PAX9: variants seen among roughly 807,000 people sequenced by gnomAD.
PAX9 encodes paired box protein Pax-9.
A neutral mutation model predicts 29.1 loss-of-function variants in PAX9; 6 were observed. That is an observed-to-expected ratio of 0.21 (90% CI 0.11 to 0.41). PAX9 has a LOEUF of 0.41. PAX9 is among the 10% of genes least tolerant of loss of function. The pLI, the probability that PAX9 is intolerant of heterozygous loss-of-function variation, is 1.00. For missense variants in PAX9, 443 were observed against 479.1 expected, an observed-to-expected ratio of 0.92 and a Z score of 0.70; for synonymous variants, 217 against 211.7, an observed-to-expected ratio of 1.03 and a Z score of -0.22.
rs1055255967 is a variant in PAX9 at position 36,666,556 on chromosome 14, C to T, written c.726C>T (p.Asn242=). ...NFPAAAPHAV[N]GLEKGALEQE... ...CCGCCGCCGCCCCGCACGCGGTGAA[C>T]GGGTTGGAGAAGGGAGCCCTGGAGC... The change falls in exon 3 of 4, where the codon AAC becomes AAT. Residue 242 remains asparagine, a synonymous_variant. Coordinates refer to ENST00000361487, the MANE Select transcript of PAX9 (RefSeq NM_001372076.1). 2 of 1,581,122 alleles carry T rather than the reference C, an allele frequency of 1.3e-6. No individual in the cohort carries two copies. The highest frequency in any genetic ancestry group is 1.8e-5 in the Admixed American group (1 of 55,322).
Position 36,679,172 on chromosome 14 carries a change from C to CTTA in PAX9, c.*2723_*2725dup. 2.0e-6 allele frequency: 2 copies of CTTA among 985,184 alleles called. No homozygotes were observed. Among genetic ancestry groups the CTTA allele is most frequent in the South Asian group, 4.7e-5 (1 of 21,274 alleles). 61.0% of individuals were successfully genotyped at this position (985,184 alleles called of 1,614,324 possible). A position where few individuals can be genotyped will look rare whatever the true frequency, so the allele number is the denominator to read the frequency against. On this transcript the variant is annotated 3_prime_UTR_variant, in exon 4 of 4. Coordinates refer to ENST00000361487, the MANE Select transcript of PAX9 (RefSeq NM_001372076.1). Reference sequence around the variant, plus strand: ...TGCAGTTGTGCAACAGAGACACATTCTTATTTCTTTTTTTTCACAATTTTG... The same window carrying CTTA: ...TGCAGTTGTGCAACAGAGACACATTCTTATTATTTCTTTTTTTTCACAATTTTG...
intron 3 of PAX9, among the ~76,000 whole-genome samples, chr14:36,675,057 C>T (rs1307476741): frequency 6.6e-6 from 1 of 152,220 alleles, no homozygotes; most frequent in Non-Finnish European, 1.5e-5. Flanking sequence ...AGCTAACATA[C>T]ATCTGATTAA....
chr14:36,659,040 G>C (rs892325473), upstream of PAX9, among the ~76,000 whole-genome samples: 1 of 152,226 alleles, frequency 6.6e-6, no homozygotes, highest in Non-Finnish European at 1.5e-5. Flanking sequence ...TCCAGAGAGC[G>C]AGTCGCCCCT....
At position 36,679,243 on chromosome 14, in the gene PAX9, A is replaced by G; in HGVS notation, c.*2791A>G. On this transcript the variant is annotated 3_prime_UTR_variant, in exon 4 of 4. Transcript: ENST00000361487. Reference sequence around the variant, plus strand: ...TTATTGAATATTGGACTGAAATATAAATTTTAAAAAACACGTTGGAAAGGA... The same window carrying G: ...TTATTGAATATTGGACTGAAATATAGATTTTAAAAAACACGTTGGAAAGGA... 1 of 984,314 alleles carries G rather than the reference A, an allele frequency of 1.0e-6. No individual in the cohort carries two copies. The highest frequency in any genetic ancestry group is 1.2e-6 in the Non-Finnish European group (1 of 828,918). 61.0% of individuals were successfully genotyped at this position (984,314 alleles called of 1,614,324 possible). A position where few individuals can be genotyped will look rare whatever the true frequency, so the allele number is the denominator to read the frequency against.
intron 3 of PAX9, among the ~76,000 whole-genome samples, chr14:36,670,262 T>C (rs1049140503): frequency 6.6e-6 from 1 of 152,036 alleles, no homozygotes; most frequent in Non-Finnish European, 1.5e-5. Flanking sequence ...TTGCAGATAT[T>C]AATTTGGCAA....
chr14:36,678,169 G>A lies in PAX9; in HGVS notation c.*1717G>A, dbSNP rs187201763. ...CTGTGCACAGTCTACATGGCAATGC[G>A]GTTCCACCACATCGGTTTCGTGGCT... On this transcript the variant is annotated 3_prime_UTR_variant, in exon 4 of 4. Coordinates refer to ENST00000361487, the MANE Select transcript of PAX9 (RefSeq NM_001372076.1). The A allele has an allele frequency of 9.7e-6, 4 of 411,850 alleles. No individual in the cohort carries two copies. The highest frequency in any genetic ancestry group is 4.1e-5 in the East Asian group (1 of 24,330). The allele number at this position is 411,850 out of a possible 1,614,324, so 25.5% of individuals were successfully genotyped here.
In PAX9 at chr14:36,665,264, T is replaced by C. The variant is rs143173221; in HGVS notation, c.632-1198T>C. Among the ~76,000 whole-genome samples the C allele has an allele frequency of 7.1e-3, 1,079 of 152,034 alleles. 10 individuals carry two copies. The highest frequency in any genetic ancestry group is 0.025 in the African/African-American group (1,021 of 41,462). ...AGAGCAAATGTCAGTTGGGAAAGTA[T>C]TGGAGAATGGAAAGGAGCAACTTTT... On this transcript the variant is annotated intron_variant, in intron 2 of 3. Coordinates refer to ENST00000361487, the MANE Select transcript of PAX9 (RefSeq NM_001372076.1).
At chr14:36,667,112 C>T (rs1881534508) in intron 3 of PAX9, among the ~76,000 whole-genome samples, 1 of 152,164 alleles carries the variant, frequency 6.6e-6, no homozygotes, top group African/African-American at 2.4e-5. Context: ...TCTCCGGTGG[C>T]TCTCGGACAA....
At chr14:36,658,030 A>G (rs1047988107), upstream of PAX9, 1 of 152,138 alleles carries the variant, frequency 6.6e-6, no homozygotes, top group Non-Finnish European at 1.5e-5. Flanking sequence ...TGCAGGGGCC[A>G]GCGGTCCAGG....
rs541345583 is a variant in PAX9, at chr14:36,676,077, G to T, written c.772-121G>T. The T allele has an allele frequency of 1.7e-4, 159 of 959,312 alleles. 1 individual carries two copies. The highest frequency in any genetic ancestry group is 2.2e-4 in the Non-Finnish European group (142 of 635,828). 59.4% of individuals were successfully genotyped at this position (959,312 alleles called of 1,614,324 possible). On this transcript the variant is annotated intron_variant, in intron 3 of 3. Transcript: ENST00000361487. The stretch of plus-strand genomic sequence containing the variant: ...AAAGCTCAAATTTTTTTAAAAAGTT[G>T]GAGAGTAGAGTCAGAGCATTGCTGG...
upstream of PAX9, among the ~76,000 whole-genome samples, chr14:36,661,507 G>A (rs1307204777): frequency 6.6e-6 from 1 of 152,224 alleles, no homozygotes; most frequent in Admixed American, 6.5e-5. Flanking sequence ...CCCACCTATA[G>A]CCTTAACTTC....
intron 3 of PAX9, among the ~76,000 whole-genome samples, chr14:36,667,938 T>A (rs1020147839): frequency 6.6e-6 from 1 of 152,248 alleles, no homozygotes; most frequent in African/African-American, 2.4e-5. Context: ...TACGACTTCT[T>A]AGGAAAATAT....
At chr14:36,672,199 C>T (rs1042802708) in intron 3 of PAX9, 3 of 152,118 alleles carry the variant, frequency 2.0e-5, no homozygotes, top group South Asian at 2.1e-4. Context: ...CTGGGGATTC[C>T]GTATGTTGGT....
At chr14:36,662,863 G>A (rs200183790) in intron 1 of PAX9, 34 bp from the exon 2 acceptor site, 86 of 1,589,250 alleles carry the variant, frequency 5.4e-5, no homozygotes, top group Non-Finnish European at 6.2e-5. Flanking sequence ...AGCAGCGGGT[G>A]CGCGTCCCTG....
upstream of PAX9, among the ~76,000 whole-genome samples, chr14:36,659,309 C>T (rs1428942619): frequency 6.6e-6 from 1 of 152,110 alleles, no homozygotes; most frequent in South Asian, 2.1e-4. Context: ...TCTCTCTTTT[C>T]CTTCCTTCAT....
intron 3 of PAX9, among the ~76,000 whole-genome samples, chr14:36,667,855 A>G (rs1011941335): frequency 7.9e-5 from 12 of 152,194 alleles, no homozygotes; most frequent in African/African-American, 2.9e-4. Flanking sequence ...TTACTAAACG[A>G]CCCACCCTTA....
chr14:36,662,758 A>C, intron 1 of PAX9, 139 bp from the exon 2 acceptor site: 1 of 1,005,416 alleles, frequency 9.9e-7, no homozygotes, highest in South Asian at 1.6e-5. Flanking sequence ...CAGGGACCAT[A>C]TGGTTTGGGG....
intron 3 of PAX9, among the ~76,000 whole-genome samples, chr14:36,669,999 C>T (rs1356174886): frequency 6.6e-6 from 1 of 151,960 alleles, no homozygotes; most frequent in East Asian, 1.9e-4. Context: ...CATAAAACTC[C>T]AATGGAATAA....
chr14:36,675,354 T>C (rs547941410), intron 3 of PAX9, among the ~76,000 whole-genome samples: 1 of 152,318 alleles, frequency 6.6e-6, no homozygotes, highest in South Asian at 2.1e-4. Context: ...AGCACTGGTT[T>C]CTCGGCAGGC....
Sources: allele counts gnomAD v4.1 joint callset (sites outside exome capture counted in the v4.1 genomes callset), GRCh38; gene constraint gnomAD v4.1.1; transcripts MANE v1.5; gene names NCBI Gene and HGNC (gene_info 2026-07-23, HGNC 2026-07-21).